Variants in TBC1D4 observed in about 807,000 individuals in gnomAD.
TBC1D4 encodes the protein TBC1 domain family member 4, also known as TBC (Tre-2, BUB2, CDC16) domain-containing protein.
In TBC1D4, 121 loss-of-function variants were observed where a neutral mutation model predicts 142.5. The observed-to-expected ratio is 0.85, with a 90% CI of 0.73 to 0.99. The LOEUF is 0.99. Ranked by LOEUF, TBC1D4 falls within the 50% of genes least tolerant of loss-of-function variation. The probability of loss-of-function intolerance (pLI) is 0.00; values close to 1 mark genes in which losing one functional copy is unlikely to be tolerated. For synonymous variants in TBC1D4, 630 were observed against 628.2 expected (o/e 1.00, Z -0.04); for missense variants, 1,475 against 1,606.6 (o/e 0.92, Z 1.40).
intron 5 of TBC1D4, among the ~76,000 whole-genome samples, chr13:75,346,193 T>C (rs1394702198): frequency 6.6e-6 from 1 of 151,834 alleles, no homozygotes; most frequent in Non-Finnish European, 1.5e-5. Context: ...TTGGGATACA[T>C]GTGCAGAATG....
chr13:75,401,509 T>C (rs1483476261), intron 1 of TBC1D4, among the ~76,000 whole-genome samples: 1 of 152,218 alleles, frequency 6.6e-6, no homozygotes, highest in East Asian at 1.9e-4. Context: ...ACAGAGGACT[T>C]CACCTTCACA....
At chr13:75,471,053 T>C (rs1314129055) in intron 1 of TBC1D4, among the ~76,000 whole-genome samples, 1 of 151,984 alleles carries the variant, frequency 6.6e-6, no homozygotes, top group Non-Finnish European at 1.5e-5. Context: ...TTGATTTTTA[T>C]ATATTCTTTA....
chr13:75,363,162 CAT>C (rs1566428418), intron 1 of TBC1D4, among the ~76,000 whole-genome samples: 2 of 152,128 alleles, frequency 1.3e-5, no homozygotes, highest in African/African-American at 4.8e-5. Context: ...TGTACACAGA[CAT>C]ATAAAATGAC....
At chr13:75,291,123 C>T (rs1360953361) in intron 19 of TBC1D4, among the ~76,000 whole-genome samples, 3 of 152,158 alleles carry the variant, frequency 2.0e-5, no homozygotes, top group African/African-American at 4.8e-5. Flanking sequence ...TCTCAATTTG[C>T]TTCTCAGATC....
At chr13:75,393,456 C>T (rs1227487216) in intron 1 of TBC1D4, among the ~76,000 whole-genome samples, 1 of 152,160 alleles carries the variant, frequency 6.6e-6, no homozygotes, top group Non-Finnish European at 1.5e-5. Flanking sequence ...TGGTGAATAT[C>T]CTTTGCCGCA....
intron 11 of TBC1D4, among the ~76,000 whole-genome samples, chr13:75,321,915 G>C (rs1156691583): frequency 6.6e-6 from 1 of 152,174 alleles, no homozygotes; most frequent in African/African-American, 2.4e-5. Context: ...ACGAATGTCA[G>C]TGAAAGATGT....
chr13:75,393,025 A>G (rs1884572683), intron 1 of TBC1D4, among the ~76,000 whole-genome samples: 1 of 151,750 alleles, frequency 6.6e-6, no homozygotes, highest in Admixed American at 6.6e-5. Context: ...ATCCTACAGT[A>G]TACCCTTCCT....
chr13:75,379,136 T>G (rs1295099895), intron 1 of TBC1D4, among the ~76,000 whole-genome samples: 1 of 152,058 alleles, frequency 6.6e-6, no homozygotes, highest in Non-Finnish European at 1.5e-5. Flanking sequence ...TACAAAGATC[T>G]TCTATAAATT....
rs1314684805 is a variant in TBC1D4, at chr13:75,284,202, T to C, written c.*2590A>G. ...GGGACTGGTTTCATGGAAGACAATC[T>C]TTCCACAGACTGGTGGCAGGGGATG... On this transcript the variant is annotated 3_prime_UTR_variant, in exon 21 of 21. Coordinates refer to ENST00000377636, the MANE Select transcript of TBC1D4 (RefSeq NM_014832.5). Among the ~76,000 whole-genome samples, 4 of 152,128 alleles carry C rather than the reference T, an allele frequency of 2.6e-5. No individual in the cohort carries two copies. The East Asian group carries it at 5.8e-4, about 22-fold the overall frequency.
chr13:75,402,155 T>C (rs1348179993), intron 1 of TBC1D4, among the ~76,000 whole-genome samples: 4 of 152,218 alleles, frequency 2.6e-5, no homozygotes, highest in African/African-American at 4.8e-5. Flanking sequence ...TTCTGACTTA[T>C]AGACTGGAGA....
chr13:75,469,097 A>G (rs1157399557), intron 1 of TBC1D4, among the ~76,000 whole-genome samples: 1 of 152,206 alleles, frequency 6.6e-6, no homozygotes, highest in Non-Finnish European at 1.5e-5. Flanking sequence ...TAAAAAACTA[A>G]GCTCGCAAAG....
chr13:75,466,638 C>T (rs1319375241), intron 1 of TBC1D4, among the ~76,000 whole-genome samples: 1 of 151,928 alleles, frequency 6.6e-6, no homozygotes, highest in Admixed American at 6.6e-5. Flanking sequence ...TTTGGGAGGC[C>T]GAGACGGGCA....
chr13:75,476,360 T>A (rs1888631316), intron 1 of TBC1D4, among the ~76,000 whole-genome samples: 1 of 152,228 alleles, frequency 6.6e-6, no homozygotes, highest in South Asian at 2.1e-4. Flanking sequence ...TTGACTGTGA[T>A]CTCATGAAAT....
intron 3 of TBC1D4, among the ~76,000 whole-genome samples, chr13:75,357,280 G>C (rs1313540642): frequency 6.6e-6 from 1 of 152,150 alleles, no homozygotes; most frequent in African/African-American, 2.4e-5. Flanking sequence ...CCTGTAAAAA[G>C]AAAAAGTCAG....
chr13:75,346,297 G>C (rs1881141610), intron 5 of TBC1D4, among the ~76,000 whole-genome samples: 1 of 150,892 alleles, frequency 6.6e-6, no homozygotes, highest in Admixed American at 6.6e-5. Flanking sequence ...CCCTCCCCTA[G>C]ACCCCCACCC....
rs761566882 is a variant in TBC1D4, at chr13:75,359,843, T to A, written c.1096A>T (p.Ile366Phe). 1 of 1,613,634 alleles carries A rather than the reference T, an allele frequency of 6.2e-7. No homozygotes were observed. The highest frequency in any genetic ancestry group is 1.1e-5 in the South Asian group (1 of 91,060). Reference protein sequence around the residue: ...TMLFQVGRFEINLISPDTKSV... With the variant: ...TMLFQVGRFEFNLISPDTKSV... ...TTAGTGTCTGGACTGATAAGGTTAA[T>A]CTCAAATCGCCCAACCTTAAAAATA... Residue 366 changes from isoleucine (I) to phenylalanine (F), a missense_variant, in exon 3 of 21, where the codon ATT (isoleucine) becomes TTT (phenylalanine). By Grantham distance (21) the Ile-to-Phe change is conservative (BLOSUM62 0). Around this residue, in one of 2 missense-constraint regions of TBC1D4, gnomAD observed 1,227 missense variants for 1,267.7 expected, o/e 0.97. Coordinates refer to ENST00000377636, the MANE Select transcript of TBC1D4 (RefSeq NM_014832.5).
chr13:75,429,760 A>C (rs1445112789), intron 1 of TBC1D4, among the ~76,000 whole-genome samples: 1 of 152,178 alleles, frequency 6.6e-6, no homozygotes, highest in East Asian at 1.9e-4. Flanking sequence ...AAGAGGAGAA[A>C]ACTGGAGGGG....
intron 4 of TBC1D4, among the ~76,000 whole-genome samples, chr13:75,350,683 A>T (rs768628866): frequency 6.6e-6 from 1 of 152,126 alleles, no homozygotes; most frequent in African/African-American, 2.4e-5. Flanking sequence ...TAAACACTGA[A>T]GGGGTTAGCA....
At chr13:75,453,895 G>A (rs967947351) in intron 1 of TBC1D4, among the ~76,000 whole-genome samples, 6 of 151,558 alleles carry the variant, frequency 4.0e-5, no homozygotes, top group African/African-American at 9.7e-5. Flanking sequence ...TAATAATATC[G>A]AAAAAGAAAA....
Sources: gnomAD v4.1 joint callset for allele counts (sites outside exome capture counted in the v4.1 genomes callset) on GRCh38, gnomAD v4.1.1 for gene constraint, gnomAD v4.1.1 regional missense constraint, MANE v1.5 for transcripts, NCBI Gene and HGNC (gene_info 2026-07-23, HGNC 2026-07-21) for gene names.